Variants in ZNF469 observed in about 807,000 individuals in gnomAD.
ZNF469 encodes the protein zinc finger protein 469.
A neutral mutation model predicts 1.0 loss-of-function variants in ZNF469; 1 was observed. That is an observed-to-expected ratio of 1.00 (90% CI 0.35 to 4.73). The LOEUF is 4.73. ZNF469 is among the 30% of genes most tolerant of loss of function. The pLI, the probability that ZNF469 is intolerant of heterozygous loss-of-function variation, is 0.16. For missense variants in ZNF469, 6,100 were observed against 5,356.3 expected, an observed-to-expected ratio of 1.14 and a Z score of -4.33; for synonymous variants, 2,703 against 2,363.4, an observed-to-expected ratio of 1.14 and a Z score of -4.17.
the ZNF469 span, among the ~76,000 whole-genome samples, chr16:88,126,934 C>A: frequency 6.6e-6 from 1 of 152,154 alleles, no homozygotes; most frequent in Non-Finnish European, 1.5e-5. Flanking sequence ...ATTCTTCTGC[C>A]TCAGCCTCCC....
intron 1 of ZNF469, among the ~76,000 whole-genome samples, chr16:88,397,906 G>A (rs141389072): frequency 1.9e-3 from 285 of 152,322 alleles, no homozygotes; most frequent in African/African-American, 5.8e-3. Flanking sequence ...GCTTCATGGC[G>A]TGTCATCAAG....
chr16:88,433,624 G>T lies in ZNF469; in HGVS notation c.6154G>T (p.Ala2052Ser). 2 of 1,550,282 alleles carry T rather than the reference G, an allele frequency of 1.3e-6. No individual in the cohort carries two copies. Among genetic ancestry groups the T allele is most frequent in the South Asian group, 2.4e-5 (2 of 84,060 alleles). ...SRAAMSLQEE[A>S]EPTPSPPSPN... Reference sequence around the variant, plus strand: ...GGCAGCCATGAGCCTTCAGGAGGAGGCCGAGCCCACCCCAAGCCCCCCGTC... The same window carrying T: ...GGCAGCCATGAGCCTTCAGGAGGAGTCCGAGCCCACCCCAAGCCCCCCGTC... The change falls in exon 3 of 3, where the codon GCC becomes TCC. Residue 2052 changes from alanine to serine, a missense_variant. Physicochemically the swap from Ala to Ser is moderately conservative, Grantham distance 99. Coordinates refer to ENST00000565624, the MANE Select transcript of ZNF469 (RefSeq NM_001367624.2).
At chr16:88,225,194 C>A in the ZNF469 span, among the ~76,000 whole-genome samples, 1 of 152,270 alleles carries the variant, frequency 6.6e-6, no homozygotes, top group African/African-American at 2.4e-5. Flanking sequence ...CCTCAGCCAG[C>A]CATAAATGAG....
At chr16:88,275,516 T>C in the ZNF469 span, among the ~76,000 whole-genome samples, 6 of 152,132 alleles carry the variant, frequency 3.9e-5, no homozygotes, top group African/African-American at 1.4e-4. Context: ...TTCCGGGGCG[T>C]TGATGGCGGG....
the ZNF469 span, among the ~76,000 whole-genome samples, chr16:88,144,404 G>C: frequency 1.3e-5 from 2 of 152,252 alleles, no homozygotes; most frequent in Non-Finnish European, 2.9e-5. Context: ...GTAGGGCAGA[G>C]ATAAGGGGAT....
the ZNF469 span, among the ~76,000 whole-genome samples, chr16:88,221,102 C>G: frequency 1.3e-5 from 2 of 152,152 alleles, no homozygotes; most frequent in African/African-American, 4.8e-5. Flanking sequence ...CTCGGTGTCA[C>G]TGTGAGGTAC....
chr16:88,103,513 G>C, the ZNF469 span, among the ~76,000 whole-genome samples: 1 of 152,212 alleles, frequency 6.6e-6, no homozygotes, highest in Non-Finnish European at 1.5e-5. Flanking sequence ...GTCACTGCCT[G>C]AGTTTGGGGG....
At chr16:88,370,844 C>T in the ZNF469 span, among the ~76,000 whole-genome samples, 353 of 152,296 alleles carry the variant, frequency 2.3e-3, 1 homozygote, top group African/African-American at 7.8e-3. Flanking sequence ...GTAGCAAGTG[C>T]GATGCAAGTA....
At chr16:88,382,588 G>A (rs923715457), upstream of ZNF469, among the ~76,000 whole-genome samples, 1 of 152,210 alleles carries the variant, frequency 6.6e-6, no homozygotes, top group Non-Finnish European at 1.5e-5. Flanking sequence ...GGTGCCAGTC[G>A]GGACATCCCC....
intron 1 of ZNF469, among the ~76,000 whole-genome samples, chr16:88,390,085 A>G (rs1053716418): frequency 6.6e-6 from 1 of 152,192 alleles, no homozygotes; most frequent in Non-Finnish European, 1.5e-5. Flanking sequence ...AGGAGAAAGA[A>G]ATAATCAGAC....
intron 1 of ZNF469, among the ~76,000 whole-genome samples, chr16:88,393,551 C>T (rs926629384): frequency 6.6e-6 from 1 of 152,232 alleles, no homozygotes; most frequent in Non-Finnish European, 1.5e-5. Flanking sequence ...GGGCAGAGCC[C>T]AGGAGCCCAT....
At chr16:88,142,808 T>G in the ZNF469 span, among the ~76,000 whole-genome samples, 12 of 152,216 alleles carry the variant, frequency 7.9e-5, no homozygotes, top group African/African-American at 2.9e-4. Flanking sequence ...GTCACACCTG[T>G]GTGCTGGCTT....
At chr16:88,369,576 G>T in the ZNF469 span, among the ~76,000 whole-genome samples, 1 of 152,204 alleles carries the variant, frequency 6.6e-6, no homozygotes, top group Non-Finnish European at 1.5e-5. Flanking sequence ...ACCTCTCTGA[G>T]CCCAGCTCCC....
the ZNF469 span, among the ~76,000 whole-genome samples, chr16:88,104,461 C>T: frequency 1.3e-5 from 2 of 152,010 alleles, no homozygotes; most frequent in Non-Finnish European, 2.9e-5. Flanking sequence ...AGCCTCTTGC[C>T]GGCCCCTTTC....
chr16:88,106,791 C>T, the ZNF469 span, among the ~76,000 whole-genome samples: 6 of 152,264 alleles, frequency 3.9e-5, no homozygotes, highest in Non-Finnish European at 8.8e-5. Context: ...CTCAGCTCAG[C>T]CACCGCCTGC....
Position 88,431,801 on chromosome 16 carries a change from C to T in ZNF469, c.4331C>T (p.Ala1444Val), listed in dbSNP as rs113957796. 3 of 1,549,766 alleles carry T rather than the reference C, an allele frequency of 1.9e-6. No homozygotes were observed. Among genetic ancestry groups the T allele is most frequent in the African/African-American group, 2.7e-5 (2 of 73,190 alleles). ...ACCGCTGAGACGGAGCCAGGCAGGG[C>T]TGCATCGCCACCGACCTTGGAGTCC... is the stretch of plus-strand genomic sequence containing the variant. ...PGTAETEPGRAASPPTLESSS... is the reference protein window; with the variant it reads ...PGTAETEPGRVASPPTLESSS... Residue 1444 changes from alanine to valine, a missense_variant, in exon 3 of 3, where the codon GCT becomes GTT. Physicochemically the swap from Ala to Val is moderately conservative, Grantham distance 64. Coordinates refer to ENST00000565624, the MANE Select transcript of ZNF469 (RefSeq NM_001367624.2).
the ZNF469 span, among the ~76,000 whole-genome samples, chr16:88,289,097 T>C: frequency 6.6e-6 from 1 of 151,706 alleles, no homozygotes; most frequent in African/African-American, 2.4e-5. Context: ...TTGATAGTGA[T>C]GAGGGTGATG....
chr16:88,319,800 C>T, the ZNF469 span, among the ~76,000 whole-genome samples: 1 of 152,210 alleles, frequency 6.6e-6, no homozygotes, highest in African/African-American at 2.4e-5. Flanking sequence ...CTAGAGGACT[C>T]CCCTGCCCTA....
chr16:88,301,505 C>T, the ZNF469 span, among the ~76,000 whole-genome samples: 1 of 152,232 alleles, frequency 6.6e-6, no homozygotes, highest in Non-Finnish European at 1.5e-5. Flanking sequence ...CTCTTGTACT[C>T]AGTGAACAGT....
Sources: allele counts gnomAD v4.1 joint callset (sites outside exome capture counted in the v4.1 genomes callset), GRCh38; gene constraint gnomAD v4.1.1; transcripts MANE v1.5; gene names NCBI Gene and HGNC (gene_info 2026-07-23, HGNC 2026-07-21).